The following PDIA3 variants were observed in gnomAD, a reference collection of about 807,000 sequenced individuals.
PDIA3 encodes protein disulfide isomerase family A member 3.
A neutral mutation model predicts 56.9 loss-of-function variants in PDIA3; 16 were observed. The observed-to-expected ratio is 0.28, with a 90% CI of 0.19 to 0.43. The LOEUF (loss-of-function observed/expected upper bound fraction) is 0.43. PDIA3 is among the 20% of genes least tolerant of loss of function. PDIA3 has a pLI of 1.00. For missense variants in PDIA3, 485 were observed against 621.3 expected, an observed-to-expected ratio of 0.78 and a Z score of 2.33; for synonymous variants, 192 against 216.5, an observed-to-expected ratio of 0.89 and a Z score of 0.99.
rs1410745936 is a variant in PDIA3 at position 43,772,395 on chromosome 15, C to G, written c.*1177C>G. 1.3e-5 allele frequency: 2 copies of G among 152,120 alleles called. No homozygotes were observed. The highest frequency in any genetic ancestry group is 2.4e-5 in the African/African-American group (1 of 41,412). The allele number at this position is 152,120 out of a possible 1,614,324, so 9.4% of individuals were successfully genotyped here. On this transcript the variant is annotated 3_prime_UTR_variant, in exon 13 of 13. Transcript: ENST00000300289. The stretch of plus-strand genomic sequence containing the variant: ...CAATTTTAAGATGAATTTGGTAGAG[C>G]CTTATAGTAAAGTATGTATCTTGGT...
At chr15:43,748,037 C>T (rs2086718119) in intron 1 of PDIA3, among the ~76,000 whole-genome samples, 1 of 152,134 alleles carries the variant, frequency 6.6e-6, no homozygotes, top group Non-Finnish European at 1.5e-5. Flanking sequence ...ATGCTGTTAG[C>T]TTTGAGGGGG....
At chr15:43,762,538 C>G (rs1317339996) in intron 4 of PDIA3, among the ~76,000 whole-genome samples, 1 of 148,938 alleles carries the variant, frequency 6.7e-6, no homozygotes, top group Non-Finnish European at 1.5e-5. Context: ...AAGTGACTTT[C>G]TGGCAGCAGA....
intron 3 of PDIA3, among the ~76,000 whole-genome samples, chr15:43,757,194 G>A (rs1043028874): frequency 2.6e-4 from 39 of 152,166 alleles, no homozygotes; most frequent in African/African-American, 9.4e-4. Flanking sequence ...TTAGCTACTC[G>A]GGAGGCTGAG....
intron 3 of PDIA3, 116 bp from the exon 4 acceptor site, chr15:43,761,308 C>A: frequency 2.0e-6 from 1 of 499,990 alleles, no homozygotes; most frequent in South Asian, 3.5e-5. Flanking sequence ...ACAAGGGTGG[C>A]AAGAAGATTT....
Position 43,770,509 on chromosome 15 carries a change from G to A in PDIA3, c.1347-14G>A, listed in dbSNP as rs1419363071. On this transcript the variant is annotated splice_polypyrimidine_tract_variant and intron_variant, in intron 11 of 12. Coordinates refer to ENST00000300289, the MANE Select transcript of PDIA3 (RefSeq NM_005313.5). ...ACATAACTGCTTGAAATTAATAAATGTTTCTTTCCCCAGTTTTCCTACCAT... is the reference window on the plus strand; with the variant it reads ...ACATAACTGCTTGAAATTAATAAATATTTCTTTCCCCAGTTTTCCTACCAT... The A allele has an allele frequency of 6.2e-7, 1 of 1,601,862 alleles. No homozygotes were observed. Among genetic ancestry groups the A allele is most frequent in the Non-Finnish European group, 8.6e-7 (1 of 1,168,850 alleles).
chr15:43,770,371 T>C, intron 11 of PDIA3, 42 bp downstream of exon 11: 2 of 1,526,328 alleles, frequency 1.3e-6, no homozygotes, highest in Non-Finnish European at 1.8e-6. Flanking sequence ...AGGCAATAGA[T>C]AGGAATAAAG....
At chr15:43,756,986 T>G (rs1412993143) in intron 3 of PDIA3, among the ~76,000 whole-genome samples, 1 of 152,208 alleles carries the variant, frequency 6.6e-6, no homozygotes, top group Non-Finnish European at 1.5e-5. Flanking sequence ...GCTCGACATT[T>G]TTTCATTTTA....
At chr15:43,747,305 C>T (rs1470598714) in intron 1 of PDIA3, among the ~76,000 whole-genome samples, 1 of 152,178 alleles carries the variant, frequency 6.6e-6, no homozygotes, top group African/African-American at 2.4e-5. Context: ...TACCTCTGTC[C>T]AAACGAAAGG....
At chr15:43,768,407 A>C (rs2086861471) in intron 8 of PDIA3, 82 bp from the exon 9 acceptor site, 5 of 1,006,586 alleles carry the variant, frequency 5.0e-6, no homozygotes, top group Non-Finnish European at 6.2e-6. Context: ...TAAAATACAT[A>C]GTAACTATTC....
At chr15:43,767,769 CAA>C (rs11294471) in intron 8 of PDIA3, among the ~76,000 whole-genome samples, 759 of 73,456 alleles carry the variant, frequency 0.01, 10 homozygotes, top group East Asian at 0.099. Context: ...GACTCTGTCT[CAA>C]AAAAAAAAAA....
At chr15:43,765,387 A>T in intron 5 of PDIA3, 63 bp from the exon 6 acceptor site, 1 of 948,354 alleles carries the variant, frequency 1.1e-6, no homozygotes, top group South Asian at 1.4e-5. Flanking sequence ...TCTCAAAAAA[A>T]AAAAGATGGG....
intron 1 of PDIA3, among the ~76,000 whole-genome samples, chr15:43,747,411 A>G (rs1381147956): frequency 6.6e-6 from 1 of 152,236 alleles, no homozygotes; most frequent in Non-Finnish European, 1.5e-5. Context: ...CAATGAGAAA[A>G]TAACCAATAT....
intron 9 of PDIA3, among the ~76,000 whole-genome samples, chr15:43,768,971 T>A (rs2086865337): frequency 6.7e-6 from 1 of 149,412 alleles, no homozygotes; most frequent in African/African-American, 2.5e-5. Flanking sequence ...TTGCAGTGAG[T>A]CAAGATTATG....
At position 43,763,067 on chromosome 15, in the gene PDIA3, T is replaced by C; in HGVS notation, c.473-10T>C. 1.2e-6 allele frequency: 2 copies of C among 1,613,208 alleles called. No individual in the cohort carries two copies. The highest frequency in any genetic ancestry group is 1.7e-6 in the Non-Finnish European group (2 of 1,179,356). On this transcript the variant is annotated splice_polypyrimidine_tract_variant and intron_variant, in intron 4 of 12. Transcript: ENST00000300289. ...TTGCTTCTTCCTTGTGTTTAATATT[T>C]TCTGTATAGGTTTTTTCGATGATTC...
rs528992392 is a variant in PDIA3 at position 43,761,035 on chromosome 15, G to A, written c.365-389G>A. On this transcript the variant is annotated intron_variant, in intron 3 of 12. Transcript: ENST00000300289. ...TAGGTGGATCAAAGGTCAGGAGATC[G>A]AGACCATCCTGTCTAACATGGTGAA... Among the ~76,000 whole-genome samples, 54 of 150,408 alleles carry A rather than the reference G, an allele frequency of 3.6e-4. No homozygotes were observed. The South Asian group carries it at 0.011, about 31-fold the overall frequency.
chr15:43,747,940 C>A (rs535621105), intron 1 of PDIA3, among the ~76,000 whole-genome samples: 14 of 152,142 alleles, frequency 9.2e-5, no homozygotes. Flanking sequence ...GGCTAACTGG[C>A]AGTACAGATT....
At chr15:43,756,507 T>C in intron 2 of PDIA3, 142 bp from the exon 3 acceptor site, 3 of 622,080 alleles carry the variant, frequency 4.8e-6, no homozygotes, top group Non-Finnish European at 8.7e-6. Flanking sequence ...AGTCTGCCTT[T>C]AAAATCTAAT....
intron 10 of PDIA3, 133 bp from the exon 11 acceptor site, chr15:43,770,117 G>A: frequency 1.5e-6 from 1 of 678,442 alleles, no homozygotes; most frequent in Non-Finnish European, 2.6e-6. Flanking sequence ...TTACAGGTGC[G>A]CACCACCACA....
At chr15:43,765,327 G>A in intron 5 of PDIA3, 123 bp from the exon 6 acceptor site, 6 of 700,704 alleles carry the variant, frequency 8.6e-6, no homozygotes, top group Non-Finnish European at 1.5e-5. Flanking sequence ...GCTACAGTGA[G>A]CTATAATCAC....
Sources: gnomAD v4.1 joint callset for allele counts (sites outside exome capture counted in the v4.1 genomes callset) on GRCh38, gnomAD v4.1.1 for gene constraint, MANE v1.5 for transcripts, NCBI Gene and HGNC (gene_info 2026-07-23, HGNC 2026-07-21) for gene names.